DNASE2B: variants seen among roughly 807,000 people sequenced by gnomAD.
DNASE2B encodes the protein deoxyribonuclease-2-beta.
A neutral mutation model predicts 46.0 loss-of-function variants in DNASE2B; 43 were observed. The ratio of observed to expected loss-of-function variants is 0.94; its 90% confidence interval spans 0.73 to 1.21. The LOEUF (loss-of-function observed/expected upper bound fraction) is 1.21. Ranked by LOEUF, DNASE2B falls within the 50% of genes most tolerant of loss-of-function variation. DNASE2B has a pLI of 0.00. For synonymous variants in DNASE2B, 156 were observed against 152.5 expected (o/e 1.02, Z -0.17); for missense variants, 395 against 414.4 (o/e 0.95, Z 0.41).
At chr1:84,406,071 G>GT (rs144937477) in intron 2 of DNASE2B, among the ~76,000 whole-genome samples, 10,240 of 147,132 alleles carry the variant, frequency 0.07, 452 homozygotes, top group Admixed American at 0.12. Context: ...TCATCTGTGA[G>GT]TTTTTTTTTT....
rs1570299245 is a variant in DNASE2B at position 84,402,031 on chromosome 1, G to A, written c.256G>A (p.Val86Ile). 6.2e-7 allele frequency: 1 copy of A among 1,609,908 alleles called. No homozygotes were observed. Among genetic ancestry groups the A allele is most frequent in the East Asian group, 2.2e-5 (1 of 44,606 alleles). Residue 86 changes from valine (V) to isoleucine (I), a missense_variant, in exon 2 of 6, where the codon GTT (valine) becomes ATT (isoleucine). Val to Ile is a conservative substitution (Grantham distance 29). Transcript: ENST00000370665. Reference protein sequence around the residue: ...SEQLMNDTKSVLGRTLQQLYE... With the variant: ...SEQLMNDTKSILGRTLQQLYE... Reference sequence around the variant, plus strand: ...GCAACTAATGAATGACACCAAGAGTGTTTTGGGAAGGACATTACAACAGCT... The same window carrying A: ...GCAACTAATGAATGACACCAAGAGTATTTTGGGAAGGACATTACAACAGCT...
intron 5 of DNASE2B, among the ~76,000 whole-genome samples, chr1:84,413,334 A>G (rs968837339): frequency 9.2e-5 from 14 of 152,012 alleles, no homozygotes; most frequent in Admixed American, 3.3e-4. Flanking sequence ...GTCTTAGATG[A>G]CCTCACTGTC....
At chr1:84,414,264 A>G (rs3116428) in intron 5 of DNASE2B, among the ~76,000 whole-genome samples, 1 of 152,176 alleles carries the variant, frequency 6.6e-6, no homozygotes, top group South Asian at 2.1e-4. Flanking sequence ...ACAAAGACAT[A>G]TATTGCTTCA....
chr1:84,402,173 C>A (rs1680432970), intron 2 of DNASE2B, 95 bp downstream of exon 2: 4 of 1,282,080 alleles, frequency 3.1e-6, no homozygotes, highest in Non-Finnish European at 4.2e-6. Flanking sequence ...CCCACCCAAC[C>A]CCCAATCCTA....
chr1:84,402,099 T>C, intron 2 of DNASE2B, 21 bp downstream of exon 2: 1 of 1,571,694 alleles, frequency 6.4e-7, no homozygotes, highest in Non-Finnish European at 8.6e-7. Flanking sequence ...TAGTTAATTG[T>C]TCACTTGAAT....
At chr1:84,409,996 G>T (rs1680560343) in intron 3 of DNASE2B, among the ~76,000 whole-genome samples, 1 of 151,808 alleles carries the variant, frequency 6.6e-6, no homozygotes, top group Admixed American at 6.6e-5. Flanking sequence ...TCTTAAAATA[G>T]GCACTTTGAA....
intron 1 of DNASE2B, among the ~76,000 whole-genome samples, chr1:84,399,410 G>A (rs1189771526): frequency 6.6e-6 from 1 of 152,216 alleles, no homozygotes; most frequent in African/African-American, 2.4e-5. Flanking sequence ...CAGTTACTGA[G>A]CTCAACAGAG....
At position 84,414,855 on chromosome 1, in the gene DNASE2B, A is replaced by G; in HGVS notation, c.1073A>G (p.Glu358Gly). 1.9e-6 allele frequency: 3 copies of G among 1,608,670 alleles called. No individual in the cohort carries two copies. Among genetic ancestry groups the G allele is most frequent in the Non-Finnish European group, 2.6e-6 (3 of 1,176,214 alleles). The change falls in exon 6 of 6, where the codon GAA (glutamate) becomes GGA (glycine). Residue 358 changes from glutamate to glycine, a missense_variant. Coordinates refer to ENST00000370665, the MANE Select transcript of DNASE2B (RefSeq NM_021233.3). The stretch of plus-strand genomic sequence containing the variant: ...TTTCAAGGATTAGTATTATACTATG[A>G]AAGCTGTAAGTAAACTTGGTGAAAG... ...QAFQGLVLYYESCK is the reference protein window; with the variant it reads ...QAFQGLVLYYGSCK
intron 2 of DNASE2B, chr1:84,408,219 T>C (rs369459430): frequency 6.5e-5 from 35 of 537,544 alleles, no homozygotes; most frequent in East Asian, 3.7e-4. Context: ...TCCTGTCACA[T>C]GAGTAAAAAT....
intron 4 of DNASE2B, among the ~76,000 whole-genome samples, chr1:84,411,926 T>C (rs2101853860): frequency 6.6e-6 from 1 of 152,204 alleles, no homozygotes; most frequent in East Asian, 1.9e-4. Flanking sequence ...AACTTTTGTA[T>C]ATGTATATGT....
chr1:84,400,134 C>A (rs1279924830), intron 1 of DNASE2B, among the ~76,000 whole-genome samples: 2 of 152,104 alleles, frequency 1.3e-5, no homozygotes, highest in Non-Finnish European at 2.9e-5. Flanking sequence ...TTTAGGAGGC[C>A]TAGGCAGACA....
chr1:84,405,848 TTA>T (rs1405743132), intron 2 of DNASE2B, among the ~76,000 whole-genome samples: 1 of 152,184 alleles, frequency 6.6e-6, no homozygotes, highest in Non-Finnish European at 1.5e-5. Context: ...TACTGCATAT[TTA>T]TGTTTGTTTA....
In DNASE2B at chr1:84,398,693, G is replaced by A; in HGVS notation, c.125+4G>A. The A allele has an allele frequency of 6.2e-7, 1 of 1,613,532 alleles. No individual in the cohort carries two copies. Among genetic ancestry groups the A allele is most frequent in the African/African-American group, 1.3e-5 (1 of 75,054 alleles). On this transcript the variant is annotated splice_donor_region_variant and intron_variant, in intron 1 of 5. Transcript: ENST00000370665. ...AAGAAGGGAAAGCTGTGGACTGGTAGGTAAATGAAATGGAAGGACTGCTGC... is the reference window on the plus strand; with the variant it reads ...AAGAAGGGAAAGCTGTGGACTGGTAAGTAAATGAAATGGAAGGACTGCTGC...
At chr1:84,402,900 A>T (rs1203503137) in intron 2 of DNASE2B, among the ~76,000 whole-genome samples, 2 of 152,210 alleles carry the variant, frequency 1.3e-5, no homozygotes, top group Admixed American at 1.3e-4. Context: ...GGGCCTTTAC[A>T]TATGTCAAGT....
At position 84,398,528 on chromosome 1, in the gene DNASE2B, A is replaced by G. The variant is rs1680344891; in HGVS notation, c.-37A>G. On this transcript the variant is annotated 5_prime_UTR_variant, in exon 1 of 6. Transcript: ENST00000370665. Reference sequence around the variant, plus strand: ...AGCGCCTTGAAACTCAGACTCCACAATCTATGGGGAAAGTGTCCTGCTGTG... The same window carrying G: ...AGCGCCTTGAAACTCAGACTCCACAGTCTATGGGGAAAGTGTCCTGCTGTG... 2 of 1,611,092 alleles carry G rather than the reference A, an allele frequency of 1.2e-6. No individual in the cohort carries two copies. The highest frequency in any genetic ancestry group is 1.7e-6 in the Non-Finnish European group (2 of 1,178,280).
intron 3 of DNASE2B, among the ~76,000 whole-genome samples, chr1:84,409,773 A>G (rs1369846641): frequency 6.6e-6 from 1 of 152,204 alleles, no homozygotes; most frequent in Non-Finnish European, 1.5e-5. Context: ...GTAGGGCACA[A>G]TATCAAGTGG....
chr1:84,414,912 A>G lies in DNASE2B; in HGVS notation c.*44A>G, dbSNP rs777792648. On this transcript the variant is annotated 3_prime_UTR_variant, in exon 6 of 6. Transcript: ENST00000370665. ...GGTACTATCATTGAAAACCTTGACA[A>G]TGGGTCTTCTTCCATTACACCTTCT... The G allele has an allele frequency of 2.8e-6, 4 of 1,424,400 alleles. No individual in the cohort carries two copies. The highest frequency in any genetic ancestry group is 3.8e-5 in the Admixed American group (2 of 52,940). 88.2% of individuals were successfully genotyped at this position (1,424,400 alleles called of 1,614,324 possible).
At chr1:84,404,745 C>T (rs537807867) in intron 2 of DNASE2B, among the ~76,000 whole-genome samples, 1 of 152,278 alleles carries the variant, frequency 6.6e-6, no homozygotes, top group Admixed American at 6.5e-5. Flanking sequence ...ATCACTGGAA[C>T]CAATTTAGAA....
At chr1:84,408,596 T>C in intron 3 of DNASE2B, 78 bp downstream of exon 3, 1 of 1,256,228 alleles carries the variant, frequency 8.0e-7, no homozygotes, top group Non-Finnish European at 1.1e-6. Context: ...AGTATCCTTA[T>C]ATTCCATACT....
Sources: allele counts gnomAD v4.1 joint callset (sites outside exome capture counted in the v4.1 genomes callset), GRCh38; gene constraint gnomAD v4.1.1; transcripts MANE v1.5; gene names NCBI Gene and HGNC (gene_info 2026-07-23, HGNC 2026-07-21).